Variants in HEMK2 observed in about 807,000 individuals in gnomAD.
HEMK2 encodes the protein HemK methyltransferase 2, ETF1 glutamine and histone H4 lysine, also known as methyltransferase HEMK2.
At chr21:28,805,631 C>T in the HEMK2 span, among the ~76,000 whole-genome samples, 1 of 152,132 alleles carries the variant, frequency 6.6e-6, no homozygotes, top group Non-Finnish European at 1.5e-5. Context: ...TGGGTAGATG[C>T]TTCTGTACGA....
chr21:28,783,715 A>G, the HEMK2 span, among the ~76,000 whole-genome samples: 2 of 152,174 alleles, frequency 1.3e-5, no homozygotes, highest in Non-Finnish European at 1.5e-5. Flanking sequence ...GGGCTAGCCG[A>G]GGCTGGAGCC....
chr21:28,823,260 G>A, the HEMK2 span, among the ~76,000 whole-genome samples: 1 of 152,084 alleles, frequency 6.6e-6, no homozygotes, highest in Non-Finnish European at 1.5e-5. Context: ...TATATCCAAG[G>A]CTTTGCTTTT....
chr21:28,586,973 G>A, the HEMK2 span, among the ~76,000 whole-genome samples: 1 of 152,096 alleles, frequency 6.6e-6, no homozygotes. Flanking sequence ...ACGTGAGAGG[G>A]TGCAAACATT....
the HEMK2 span, among the ~76,000 whole-genome samples, chr21:28,779,383 A>C: frequency 6.6e-6 from 1 of 152,222 alleles, no homozygotes; most frequent in Admixed American, 6.5e-5. Context: ...GTAATACTGT[A>C]TGATCTCACT....
At chr21:28,721,387 T>A in the HEMK2 span, among the ~76,000 whole-genome samples, 1 of 152,158 alleles carries the variant, frequency 6.6e-6, no homozygotes, top group Admixed American at 6.5e-5. Flanking sequence ...AATGCTGGGA[T>A]GACAGGAATG....
At chr21:28,771,407 T>G in the HEMK2 span, among the ~76,000 whole-genome samples, 1 of 151,936 alleles carries the variant, frequency 6.6e-6, no homozygotes, top group Non-Finnish European at 1.5e-5. Context: ...CAGGAGACAT[T>G]TGGTAATGCC....
the HEMK2 span, among the ~76,000 whole-genome samples, chr21:28,807,333 C>G: frequency 3.2e-4 from 48 of 152,276 alleles, no homozygotes; most frequent in African/African-American, 1.1e-3. Flanking sequence ...TCCTGCCTAC[C>G]CACCATATCC....
chr21:28,797,151 T>C, the HEMK2 span, among the ~76,000 whole-genome samples: 2,064 of 152,204 alleles, frequency 0.014, 37 homozygotes, highest in African/African-American at 0.047. Context: ...GCAGAAGTCA[T>C]CTACAACCAT....
the HEMK2 span, among the ~76,000 whole-genome samples, chr21:28,667,009 A>G: frequency 6.6e-6 from 1 of 152,146 alleles, no homozygotes; most frequent in African/African-American, 2.4e-5. Flanking sequence ...CTATGGCTCA[A>G]ATGTTGGTTC....
the HEMK2 span, among the ~76,000 whole-genome samples, chr21:28,675,791 T>C: frequency 6.6e-6 from 1 of 152,202 alleles, no homozygotes; most frequent in East Asian, 1.9e-4. Context: ...TGTTTTTAAC[T>C]TGGAGTCAGA....
chr21:28,664,657 T>C, the HEMK2 span, among the ~76,000 whole-genome samples: 1 of 152,178 alleles, frequency 6.6e-6, no homozygotes, highest in African/African-American at 2.4e-5. Flanking sequence ...CTACTAGAAT[T>C]CTAGCAGACT....
chr21:28,728,655 G>A, the HEMK2 span, among the ~76,000 whole-genome samples: 4 of 152,328 alleles, frequency 2.6e-5, no homozygotes, highest in South Asian at 6.2e-4. Context: ...GAATTTTGGT[G>A]AGCCTAATGA....
chr21:28,653,191 T>C, the HEMK2 span, among the ~76,000 whole-genome samples: 1 of 149,002 alleles, frequency 6.7e-6, no homozygotes, highest in African/African-American at 2.6e-5. Context: ...TTAAAAATAT[T>C]TCCTGGGTGA....
chr21:28,723,689 C>T, the HEMK2 span, among the ~76,000 whole-genome samples: 12,924 of 152,210 alleles, frequency 0.085, 767 homozygotes, highest in South Asian at 0.16. Context: ...TGATAATCAT[C>T]CCCGCCTCAT....
chr21:28,779,256 T>C, the HEMK2 span, among the ~76,000 whole-genome samples: 11,185 of 152,262 alleles, frequency 0.073, 695 homozygotes, highest in East Asian at 0.22. Flanking sequence ...AAATGTGGTA[T>C]ATATACACAA....
At chr21:28,743,857 G>C in the HEMK2 span, among the ~76,000 whole-genome samples, 3 of 152,102 alleles carry the variant, frequency 2.0e-5, no homozygotes, top group Non-Finnish European at 2.9e-5. Flanking sequence ...ATTGTTCTGA[G>C]ACTATCAAAG....
the HEMK2 span, among the ~76,000 whole-genome samples, chr21:28,704,711 T>C: frequency 2.6e-5 from 4 of 152,292 alleles, no homozygotes; most frequent in South Asian, 6.2e-4. Context: ...CGGTCATTCA[T>C]AGGAAAACTG....
the HEMK2 span, chr21:28,879,718 C>A: frequency 1.9e-6 from 1 of 512,924 alleles, no homozygotes; most frequent in East Asian, 3.3e-5. Context: ...TTTCCTAGGT[C>A]TTTTAATAGG....
the HEMK2 span, among the ~76,000 whole-genome samples, chr21:28,648,594 A>T: frequency 1.3e-5 from 2 of 152,188 alleles, no homozygotes; most frequent in African/African-American, 2.4e-5. Flanking sequence ...CCAGAACTCT[A>T]GCAGTAGAAG....
Sources: allele counts gnomAD v4.1 joint callset (sites outside exome capture counted in the v4.1 genomes callset), GRCh38; gene constraint gnomAD v4.1.1; transcripts MANE v1.5; gene names NCBI Gene and HGNC (gene_info 2026-07-23, HGNC 2026-07-21).